Variants in SATL1 observed in about 807,000 individuals in gnomAD.
The protein encoded by SATL1 is spermidine/spermine N1-acetyl transferase like 1.
Under a neutral mutation model 51.8 loss-of-function variants are expected in SATL1, and 47 were observed. The observed-to-expected ratio is 0.91, with a 90% CI of 0.72 to 1.16. The LOEUF (loss-of-function observed/expected upper bound fraction) is 1.16, where lower values mean the gene tolerates loss of function less well. SATL1 is among the 50% of genes most tolerant of loss of function. The probability of loss-of-function intolerance (pLI) is 0.00; values close to 1 mark genes in which losing one functional copy is unlikely to be tolerated. For synonymous variants in SATL1, 176 were observed against 182.4 expected (o/e 0.97, Z 0.28); for missense variants, 520 against 526.4 (o/e 0.99, Z 0.12).
intron 2 of SATL1, among the ~76,000 whole-genome samples, chrX:85,110,935 G>T (rs933328431): frequency 8.9e-6 from 1 of 112,852 alleles, no homozygotes; most frequent in Non-Finnish European, 1.9e-5. Flanking sequence ...GTAGGAGATA[G>T]TCTTATCCCC....
intron 2 of SATL1, among the ~76,000 whole-genome samples, chrX:85,128,223 C>T (rs1283304409): frequency 1.8e-5 from 2 of 111,926 alleles, no homozygotes; most frequent in African/African-American, 6.5e-5. Context: ...AATCGCCACA[C>T]TGTCTCCCAC....
chrX:85,216,536 C>T (rs761991433), intron 2 of SATL1, among the ~76,000 whole-genome samples: 4 of 111,381 alleles, frequency 3.6e-5, no homozygotes, highest in South Asian at 3.8e-4. Context: ...CTACCCTTTT[C>T]CTTGCTAGCT....
chrX:85,169,029 T>A (rs1213627045), intron 2 of SATL1, among the ~76,000 whole-genome samples: 1 of 112,119 alleles, frequency 8.9e-6, no homozygotes, highest in African/African-American at 3.2e-5. Flanking sequence ...GGAAAAAGAC[T>A]CCCTATTCAA....
chrX:85,147,133 C>T (rs768399659), intron 2 of SATL1, among the ~76,000 whole-genome samples: 11 of 114,640 alleles, frequency 9.6e-5, no homozygotes, highest in African/African-American at 2.5e-4. Flanking sequence ...TGTGCTTTTC[C>T]GACGGGCTTA....
chrX:85,173,638 A>G (rs1224705380), intron 2 of SATL1, among the ~76,000 whole-genome samples: 3 of 110,979 alleles, frequency 2.7e-5, no homozygotes, highest in African/African-American at 6.5e-5. Context: ...TAGGAGATAT[A>G]ACTTTTAGAG....
chrX:85,206,628 G>A (rs1371465275), intron 2 of SATL1, among the ~76,000 whole-genome samples: 2 of 111,162 alleles, frequency 1.8e-5, no homozygotes, highest in Non-Finnish European at 3.8e-5. Flanking sequence ...AACTGAAAGA[G>A]TGGTGAAGGA....
intron 2 of SATL1, among the ~76,000 whole-genome samples, chrX:85,150,058 A>AGAC (rs1484127928): frequency 2.7e-5 from 3 of 111,647 alleles, no homozygotes; most frequent in Non-Finnish European, 5.6e-5. Flanking sequence ...CAAAATTGAT[A>AGAC]GACTGCTGGC....
At chrX:85,221,085 T>C (rs964623472) in intron 2 of SATL1, among the ~76,000 whole-genome samples, 82 of 111,590 alleles carry the variant, frequency 7.3e-4, no homozygotes, top group African/African-American at 2.6e-3. Flanking sequence ...TCTTGTTATA[T>C]TTCTCCTTAA....
intron 2 of SATL1, among the ~76,000 whole-genome samples, chrX:85,149,969 C>G (rs1409234757): frequency 9.0e-6 from 1 of 111,296 alleles, no homozygotes; most frequent in Non-Finnish European, 1.9e-5. Context: ...AAAATCAGAG[C>G]AGAACTGAAA....
intron 2 of SATL1, chrX:85,212,571 G>C (rs1194491411): frequency 9.0e-6 from 1 of 111,559 alleles, no homozygotes. Flanking sequence ...TCATTTATTC[G>C]TTTCCCACAG....
intron 2 of SATL1, among the ~76,000 whole-genome samples, chrX:85,150,596 T>A (rs1484311897): frequency 1.8e-5 from 2 of 111,271 alleles, no homozygotes; most frequent in Non-Finnish European, 3.8e-5. Context: ...ATCCAGCAGC[T>A]CATCAAGAAG....
intron 2 of SATL1, among the ~76,000 whole-genome samples, chrX:85,221,685 GA>G (rs780317162): frequency 6.3e-5 from 7 of 111,880 alleles, no homozygotes; most frequent in Non-Finnish European, 7.5e-5. Context: ...GGCTATCCCA[GA>G]AAAAAACCTC....
chrX:85,132,210 G>T (rs1380767814), intron 2 of SATL1, among the ~76,000 whole-genome samples: 1 of 111,592 alleles, frequency 9.0e-6, no homozygotes, highest in African/African-American at 3.3e-5. Context: ...TGCTAGGTTG[G>T]GGAAGTTCTC....
At chrX:85,135,226 G>A (rs1925923116) in intron 2 of SATL1, among the ~76,000 whole-genome samples, 1 of 111,063 alleles carries the variant, frequency 9.0e-6, no homozygotes, top group Non-Finnish European at 1.9e-5. Flanking sequence ...TGAATGCTGG[G>A]CTTAATTCCT....
In SATL1 at chrX:85,097,978, A is replaced by G. The variant is rs188780319; in HGVS notation, c.1694-2982T>C. On this transcript the variant is annotated intron_variant, in intron 4 of 7. Transcript: ENST00000644105. ...TAGTACAGGTGAGTCCTTCCTCATC[A>G]GTAATTAAATGTAAATGGATTAAAG... Among the ~76,000 whole-genome samples, 264 of 111,687 alleles carry G rather than the reference A, an allele frequency of 2.4e-3. 1 individual carries two copies. Among genetic ancestry groups the G allele is most frequent in the Middle Eastern group, 4.7e-3 (1 of 214 alleles).
At chrX:85,151,387 C>T (rs1349632941) in intron 2 of SATL1, among the ~76,000 whole-genome samples, 10 of 111,502 alleles carry the variant, frequency 9.0e-5, no homozygotes, top group Admixed American at 4.8e-4. Context: ...AATGGCCATA[C>T]TGCCCAAGGT....
intron 2 of SATL1, among the ~76,000 whole-genome samples, chrX:85,203,649 C>T (rs1039340314): frequency 1.8e-5 from 2 of 112,403 alleles, no homozygotes; most frequent in Non-Finnish European, 3.8e-5. Context: ...AGTCTGGCCA[C>T]ATTTTGGTAG....
intron 2 of SATL1, among the ~76,000 whole-genome samples, chrX:85,167,498 A>G (rs773600228): frequency 6.0e-4 from 67 of 111,884 alleles, no homozygotes; most frequent in African/African-American, 2.2e-3. Flanking sequence ...ATCAGAAAAT[A>G]TTATGAACAC....
chrX:85,211,926 T>G (rs1969453005), intron 2 of SATL1: 1 of 111,818 alleles, frequency 8.9e-6, no homozygotes, highest in Admixed American at 9.5e-5. Context: ...GTAGAATTAA[T>G]GTGAGCTATT....
Sources: allele counts gnomAD v4.1 joint callset (sites outside exome capture counted in the v4.1 genomes callset), GRCh38; gene constraint gnomAD v4.1.1; transcripts MANE v1.5; gene names NCBI Gene and HGNC (gene_info 2026-07-23, HGNC 2026-07-21).